Variants in PDXDC1 observed in about 807,000 individuals in gnomAD.
PDXDC1 encodes pyridoxal dependent decarboxylase domain containing 1.
A neutral mutation model predicts 100.1 loss-of-function variants in PDXDC1; 42 were observed. That is an observed-to-expected ratio of 0.42 (90% CI 0.33 to 0.54). The LOEUF is 0.54. Among genes scored for constraint, PDXDC1 ranks in the 20% least tolerant of loss-of-function variants. The probability of loss-of-function intolerance (pLI) is 0.10; values close to 1 mark genes in which losing one functional copy is unlikely to be tolerated. For synonymous variants in PDXDC1, 260 were observed against 371.7 expected (o/e 0.70, Z 3.46); for missense variants, 636 against 979.2 (o/e 0.65, Z 4.68).
intron 17 of PDXDC1, 115 bp from the exon 18 acceptor site, chr16:15,032,746 T>G: frequency 1.4e-6 from 1 of 690,074 alleles, no homozygotes; most frequent in Non-Finnish European, 2.6e-6. Context: ...GCAGTAGCTC[T>G]TTTGCCCACT....
intron 16 of PDXDC1, among the ~76,000 whole-genome samples, chr16:15,074,018 T>G (rs573693011): frequency 6.6e-5 from 10 of 152,194 alleles, no homozygotes; most frequent in Non-Finnish European, 1.3e-4. Flanking sequence ...AATACTCTCC[T>G]ACATATACAG....
At chr16:15,133,321 C>T in intron 16 of PDXDC1, 1 of 1,539,256 alleles carries the variant, frequency 6.5e-7, no homozygotes, top group Non-Finnish European at 8.8e-7. Context: ...GGGGATCGGC[C>T]TGCCGCAGCA....
At chr16:15,040,895 C>T (rs1417445816), downstream of PDXDC1, among the ~76,000 whole-genome samples, 3 of 152,082 alleles carry the variant, frequency 2.0e-5, no homozygotes, top group Non-Finnish European at 4.4e-5. Context: ...ATAGGTAAAG[C>T]TTAGAGAAGT....
At chr16:15,130,585 T>C (rs755173320) in intron 16 of PDXDC1, 8 of 1,351,126 alleles carry the variant, frequency 5.9e-6, no homozygotes, top group Non-Finnish European at 8.4e-6. Flanking sequence ...CGGGCAATGC[T>C]GACCCATGAT....
In PDXDC1 at chr16:14,989,568, C is replaced by G. The variant is rs1376079331; in HGVS notation, c.22-8185C>G. 1.5e-5 allele frequency: 24 copies of G among 1,611,368 alleles called. No individual in the cohort carries two copies. In the East Asian group the frequency reaches 4.9e-4, roughly 33 times the overall value. On this transcript the variant is annotated intron_variant, in intron 1 of 22. Transcript: ENST00000396410. ...GATGCGCTGCAGGTAGACGTGGGGTCGGCCCCTGTGCGCCAGAAAGCCCTC... is the reference window on the plus strand; with the variant it reads ...GATGCGCTGCAGGTAGACGTGGGGTGGGCCCCTGTGCGCCAGAAAGCCCTC...
chr16:15,048,342 C>T (rs569772686), intron 16 of PDXDC1, among the ~76,000 whole-genome samples: 4 of 152,230 alleles, frequency 2.6e-5, no homozygotes, highest in South Asian at 2.1e-4. Flanking sequence ...TCATAGTAAC[C>T]TATGAAATGA....
chr16:15,125,238 G>C (rs2377169), intron 16 of PDXDC1: 2 of 477,620 alleles, frequency 4.2e-6, no homozygotes, highest in Non-Finnish European at 7.7e-6. Context: ...AGTGGGGGTT[G>C]TGCCGCAGAT....
chr16:15,065,587 G>A (rs2044935249), intron 16 of PDXDC1, among the ~76,000 whole-genome samples: 1 of 152,062 alleles, frequency 6.6e-6, no homozygotes, highest in South Asian at 2.1e-4. Context: ...AAGAAAACGT[G>A]GCTATCACTC....
intron 16 of PDXDC1, chr16:15,133,228 C>T: frequency 7.4e-7 from 1 of 1,343,504 alleles, no homozygotes. Context: ...AGCACGCATG[C>T]AGCAGATGTG....
At chr16:15,001,754 A>G (rs755170191) in intron 3 of PDXDC1, 22 bp from the exon 4 acceptor site, 9 of 1,594,640 alleles carry the variant, frequency 5.6e-6, no homozygotes, top group South Asian at 3.4e-5. Flanking sequence ...CCATCAGCCC[A>G]TCAACTCTTT....
chr16:15,040,105 A>T (rs1651856398), downstream of PDXDC1: 1 of 1,170,552 alleles, frequency 8.5e-7, no homozygotes, highest in Non-Finnish European at 1.3e-6. Flanking sequence ...TTGACAAAAG[A>T]CCAAAGCGGA....
chr16:14,982,182 C>T (rs572746969), intron 1 of PDXDC1, among the ~76,000 whole-genome samples: 16 of 152,402 alleles, frequency 1.0e-4, no homozygotes, highest in African/African-American at 3.8e-4. Flanking sequence ...ACTTGGCTAA[C>T]CCTTTTCAAC....
intron 16 of PDXDC1, among the ~76,000 whole-genome samples, chr16:15,088,933 G>A (rs974575121): frequency 1.4e-4 from 22 of 152,092 alleles, no homozygotes; most frequent in African/African-American, 5.1e-4. Context: ...GAAAGATGGA[G>A]CCCAGCCAAG....
the PDXDC1 span, among the ~76,000 whole-genome samples, chr16:15,149,596 T>A: frequency 2.0e-5 from 3 of 152,198 alleles, no homozygotes; most frequent in African/African-American, 2.4e-5. Flanking sequence ...CTGCTGTCCC[T>A]ACACTCTCCC....
rs1262060617 is a variant in PDXDC1, at chr16:14,989,887, G to A, written c.22-7866G>A. The A allele has an allele frequency of 1.1e-5, 17 of 1,547,730 alleles. No homozygotes were observed. The Middle Eastern group carries it at 9.1e-4, about 83-fold the overall frequency. The stretch of plus-strand genomic sequence containing the variant: ...AGGGCCAGGAAGCCGTTGGCCACCA[G>A]GGCCGGCACTCCAGGGCCCAGCGGT... On this transcript the variant is annotated intron_variant, in intron 1 of 22. Transcript: ENST00000396410.
intron 13 of PDXDC1, chr16:15,025,316 A>C (rs1228634037): frequency 6.6e-6 from 1 of 152,378 alleles, no homozygotes; most frequent in African/African-American, 2.4e-5. Flanking sequence ...TCATTCTGCC[A>C]TCTCCTAGCT....
rs550012927 is a variant in PDXDC1 at position 15,077,224 on chromosome 16, C to T, written c.1399+47168C>T. On this transcript the variant is annotated intron_variant, in intron 16 of 16. Coordinates refer to the PDXDC1 transcript ENST00000535621. ...GAACTCCTGACCTCAGGTGATCCAC[C>T]GGCCTCAGCTTCCCAAAGTGCTGGA... Among the ~76,000 whole-genome samples, 123 of 152,034 alleles carry T rather than the reference C, an allele frequency of 8.1e-4. No individual in the cohort carries two copies. The East Asian group carries it at 0.017, about 21-fold the overall frequency.
upstream of PDXDC1, chr16:14,974,878 T>C (rs537985584): frequency 6.5e-6 from 10 of 1,535,644 alleles, no homozygotes; most frequent in South Asian, 1.1e-4. Flanking sequence ...ACCTTGATGA[T>C]TGCAACAGGC....
At chr16:15,041,616 G>A (rs2043819583), downstream of PDXDC1, 5 of 1,604,172 alleles carry the variant, frequency 3.1e-6, 1 homozygote, top group East Asian at 1.1e-4. Flanking sequence ...CAAATGGCAG[G>A]ACTTACCTGT....
Sources: gnomAD v4.1 joint callset for allele counts (sites outside exome capture counted in the v4.1 genomes callset) on GRCh38, gnomAD v4.1.1 for gene constraint, MANE v1.5 for transcripts, NCBI Gene and HGNC (gene_info 2026-07-23, HGNC 2026-07-21) for gene names.